The following TACC3 variants were observed in gnomAD, a reference collection of about 807,000 sequenced individuals.
The protein encoded by TACC3 is transforming acidic coiled-coil containing protein 3.
Under a neutral mutation model 86.0 loss-of-function variants are expected in TACC3, and 52 were observed. The ratio of observed to expected loss-of-function variants is 0.60; its 90% CI spans 0.48 to 0.76. TACC3 has a LOEUF of 0.76. TACC3 is among the 30% of genes least tolerant of loss of function. The probability of loss-of-function intolerance (pLI) is 0.00; values close to 1 mark genes in which losing one functional copy is unlikely to be tolerated. For missense variants in TACC3, 1,120 were observed against 1,070.4 expected, an observed-to-expected ratio of 1.05 and a Z score of -0.65; for synonymous variants, 512 against 430.0, an observed-to-expected ratio of 1.19 and a Z score of -2.36.
At position 1,739,944 on chromosome 4, in the gene TACC3, G is replaced by A. The variant is rs377756526; in HGVS notation, c.2019-15G>A. On this transcript the variant is annotated splice_polypyrimidine_tract_variant and intron_variant, in intron 11 of 15. Transcript: ENST00000313288. ...CACCCGAGGCAATGGCTGTGTGTCTGTTCTCCTCCCACAGGAAGATCATGG... is the reference window on the plus strand; with the variant it reads ...CACCCGAGGCAATGGCTGTGTGTCTATTCTCCTCCCACAGGAAGATCATGG... 2.2e-5 allele frequency: 36 copies of A among 1,612,986 alleles called. No homozygotes were observed. The highest frequency in any genetic ancestry group is 2.4e-5 in the Non-Finnish European group (28 of 1,179,990).
intron 12 of TACC3, 32 bp downstream of exon 12, chr4:1,740,034 T>C: frequency 6.2e-7 from 1 of 1,611,434 alleles, no homozygotes; most frequent in South Asian, 1.1e-5. Context: ...GCCACGTGCC[T>C]CCACGAGGGG....
rs1160755542 is a variant in TACC3 at position 1,728,564 on chromosome 4, A to C, written c.1162A>C (p.Ser388Arg). 4 of 1,613,946 alleles carry C rather than the reference A, an allele frequency of 2.5e-6. No individual in the cohort carries two copies. The highest frequency in any genetic ancestry group is 3.4e-6 in the Non-Finnish European group (4 of 1,179,952). ...PQEVEEDDGR[S>R]GAGEDPPMPA... ...GGAGGTGGAGGAGGACGACGGTAGG[A>C]GCGGAGCAGGAGAGGACCCCCCCAT... The change falls in exon 4 of 16, where the codon AGC (serine) becomes CGC (arginine). Residue 388 changes from serine (S) to arginine (R), a missense_variant. Ser to Arg is a moderately radical substitution (Grantham distance 110). Coordinates refer to ENST00000313288, the MANE Select transcript of TACC3 (RefSeq NM_006342.3).
chr4:1,735,964 G>C lies in TACC3; in HGVS notation c.1748+130G>C. ...ATGATCAGAACTGGAAAGGAGCTGT[G>C]CTAGGGGTGGGCTGGGCAGCAAGGC... On this transcript the variant is annotated intron_variant, in intron 8 of 15. Transcript: ENST00000313288. The surrounding 1 kb of genome is among the most constrained non-coding windows in gnomAD (Gnocchi z 4.2). 1.4e-6 allele frequency: 1 copy of C among 700,006 alleles called. No homozygotes were observed. The highest frequency in any genetic ancestry group is 2.3e-6 in the Non-Finnish European group (1 of 428,432). 43.4% of individuals were successfully genotyped at this position (700,006 alleles called of 1,614,324 possible).
intron 13 of TACC3, among the ~76,000 whole-genome samples, chr4:1,742,424 A>G (rs1188109719): frequency 2.0e-5 from 3 of 152,200 alleles, no homozygotes; most frequent in Admixed American, 6.5e-5. Flanking sequence ...CCACCTCCCT[A>G]CTTCCTCATG....
At position 1,737,629 on chromosome 4, in the gene TACC3, C is replaced by G; in HGVS notation, c.1868C>G (p.Pro623Arg). 1 of 1,532,686 alleles carries G rather than the reference C, an allele frequency of 6.5e-7. No homozygotes were observed. Among genetic ancestry groups the G allele is most frequent in the Middle Eastern group, 1.7e-4 (1 of 5,898 alleles). The allele number at this position is 1,532,686 out of a possible 1,614,324, so 94.9% of individuals were successfully genotyped here. ...GGCCCACCCCCAGGTGTTCCCGCGC[C>G]TGGGGGCCCACCCCTGTCCACCGGA... Reference protein sequence around the residue: ...VPGPPPGVPAPGGPPLSTGPI... With the variant: ...VPGPPPGVPARGGPPLSTGPI... The change falls in exon 10 of 16, where the codon CCT (proline) becomes CGT (arginine). Residue 623 changes from proline to arginine, a missense_variant. Coordinates refer to ENST00000313288, the MANE Select transcript of TACC3 (RefSeq NM_006342.3).
chr4:1,735,365 T>TG lies in TACC3; in HGVS notation c.1644+41dup. 1 of 1,612,830 alleles carries TG rather than the reference T, an allele frequency of 6.2e-7. No homozygotes were observed. Among genetic ancestry groups the TG allele is most frequent in the Non-Finnish European group, 8.5e-7 (1 of 1,179,280 alleles). ...ATTCCGCGAAGCCTCACCCACAGGG[T>TG]GTCCGAGAGCAGCCACGGCAGGTCT... On this transcript the variant is annotated intron_variant, in intron 7 of 15. Transcript: ENST00000313288. This position sits in a 1 kb window ranked among gnomAD's most constrained non-coding sequence, Gnocchi z 4.2.
At chr4:1,737,970 C>T (rs371477068) in intron 10 of TACC3, 3 of 556,564 alleles carry the variant, frequency 5.4e-6, no homozygotes. Flanking sequence ...GCGTTGGCCT[C>T]TGGTGGCCTT....
chr4:1,737,770 C>T, intron 10 of TACC3, 68 bp downstream of exon 10: 2 of 1,417,418 alleles, frequency 1.4e-6, no homozygotes, highest in Non-Finnish European at 1.9e-6. Context: ...CAACAGTGGG[C>T]AGGGGTCCAA....
intron 13 of TACC3, chr4:1,741,290 C>T (rs933023003): frequency 5.0e-5 from 12 of 240,290 alleles, no homozygotes; most frequent in Non-Finnish European, 9.6e-5. Flanking sequence ...CGCTGGTGCA[C>T]CGGGGCCTGG....
intron 6 of TACC3, among the ~76,000 whole-genome samples, chr4:1,734,900 C>G (rs1289035907): frequency 6.6e-6 from 1 of 152,222 alleles, no homozygotes; most frequent in African/African-American, 2.4e-5. Flanking sequence ...CTCGCCTCAG[C>G]CTCCACCCTT....
At chr4:1,733,023 C>CT (rs755248121) in intron 6 of TACC3, among the ~76,000 whole-genome samples, 16 of 152,174 alleles carry the variant, frequency 1.1e-4, no homozygotes, top group Non-Finnish European at 2.1e-4. Flanking sequence ...TCCAGAGTGG[C>CT]TGCAGTGTTT....
chr4:1,731,371 G>A lies in TACC3; in HGVS notation c.1591+70G>A, dbSNP rs1450579363. 22 of 1,563,728 alleles carry A rather than the reference G, an allele frequency of 1.4e-5. No individual in the cohort carries two copies. In the East Asian group the frequency reaches 1.8e-4, roughly 13 times the overall value. ...GATCCCGTGAGCACTTGGGCAGCTC[G>A]AGACACCTGCATCATCGGCAGGTGG... On this transcript the variant is annotated intron_variant, in intron 6 of 15. Transcript: ENST00000313288.
intron 3 of TACC3, among the ~76,000 whole-genome samples, chr4:1,725,731 G>A (rs1717651324): frequency 6.6e-6 from 1 of 152,218 alleles, no homozygotes; most frequent in Non-Finnish European, 1.5e-5. Context: ...TTGGACTCGT[G>A]GCTGTCATCT....
chr4:1,728,417 G>T lies in TACC3; in HGVS notation c.1015G>T (p.Glu339Ter). 2 of 1,613,542 alleles carry T rather than the reference G, an allele frequency of 1.2e-6. No individual in the cohort carries two copies. ...CTCGAGGAGCGGACCTGTAAAACTA[G>T]AATTTGATGTATCTGATGGCGCCAC... is the stretch of plus-strand genomic sequence containing the variant. Reference protein sequence around the residue: ...SSSRSGPVKLEFDVSDGATSK... With the variant: ...SSSRSGPVKL Residue 339 changes from glutamate (E) to a stop codon, truncating the protein, a stop_gained, in exon 4 of 16, where the codon GAA becomes TAA. Transcript: ENST00000313288. LOFTEE classifies it high-confidence loss of function.
At chr4:1,729,144 C>G (rs896037115) in intron 4 of TACC3, among the ~76,000 whole-genome samples, 1 of 152,168 alleles carries the variant, frequency 6.6e-6, no homozygotes, top group Admixed American at 6.5e-5. Context: ...CAGGCAAAGC[C>G]TGTTACTGCC....
At chr4:1,722,669 C>T (rs1717468160) in intron 1 of TACC3, among the ~76,000 whole-genome samples, 1 of 152,216 alleles carries the variant, frequency 6.6e-6, no homozygotes, top group African/African-American at 2.4e-5. Flanking sequence ...CCCTGGTCGA[C>T]ACTCGGTTCT....
At chr4:1,733,501 T>TC (rs1201989671) in intron 6 of TACC3, among the ~76,000 whole-genome samples, 1 of 52,978 alleles carries the variant, frequency 1.9e-5, no homozygotes, top group East Asian at 7.5e-4. Flanking sequence ...AAAAAAAACC[T>TC]TTTTTTTTAT....
At chr4:1,739,171 G>T (rs1241257609) in intron 10 of TACC3, among the ~76,000 whole-genome samples, 2 of 152,142 alleles carry the variant, frequency 1.3e-5, no homozygotes, top group African/African-American at 4.8e-5. Flanking sequence ...AGCCGGGCGT[G>T]GTGGTGGGCA....
At chr4:1,730,675 G>A (rs777874261) in intron 4 of TACC3, 1 of 700,238 alleles carries the variant, frequency 1.4e-6, no homozygotes, top group Non-Finnish European at 2.6e-6. Flanking sequence ...GAGCTGGCAG[G>A]CAAGGCGCGT....
Sources: allele counts gnomAD v4.1 joint callset (sites outside exome capture counted in the v4.1 genomes callset), GRCh38; gene constraint gnomAD v4.1.1; non-coding constraint Gnocchi (gnomAD v3.1); transcripts MANE v1.5; gene names NCBI Gene and HGNC (gene_info 2026-07-23, HGNC 2026-07-21).